RAP1GAP: variants seen among roughly 807,000 people sequenced by gnomAD.
RAP1GAP encodes the protein RAP1 GTPase activating protein.
In RAP1GAP, 35 loss-of-function variants were observed where a neutral mutation model predicts 87.2. That is an observed-to-expected ratio of 0.40 (90% CI 0.31 to 0.53). RAP1GAP has a LOEUF of 0.53. Ranked by LOEUF, RAP1GAP falls within the 20% of genes least tolerant of loss-of-function variation. The probability of loss-of-function intolerance (pLI) is 0.48; values close to 1 mark genes in which losing one functional copy is unlikely to be tolerated. For synonymous variants in RAP1GAP, 375 were observed against 363.9 expected, an observed-to-expected ratio of 1.03 and a Z score of -0.35; for missense variants, 734 against 898.9, an observed-to-expected ratio of 0.82 and a Z score of 2.35.
At chr1:21,612,458 C>T (rs1010040244) in intron 10 of RAP1GAP, among the ~76,000 whole-genome samples, 1 of 152,268 alleles carries the variant, frequency 6.6e-6, no homozygotes, top group Non-Finnish European at 1.5e-5. Flanking sequence ...ACTCACTCCT[C>T]GGCTCCTCTG....
At chr1:21,660,243 G>A (rs1285247864) in intron 1 of RAP1GAP, among the ~76,000 whole-genome samples, 2 of 149,296 alleles carry the variant, frequency 1.3e-5, no homozygotes, top group African/African-American at 4.9e-5. Context: ...GGCTCTAAAT[G>A]CATAACTACA....
chr1:21,608,980 A>AT, intron 15 of RAP1GAP, 44 bp from the exon 16 acceptor site: 5 of 1,523,236 alleles, frequency 3.3e-6, no homozygotes, highest in Non-Finnish European at 4.6e-6. Flanking sequence ...GGAAGTTGAG[A>AT]TGACACATAA....
rs1460388661 is a variant in RAP1GAP, at chr1:21,611,447, G to T, written c.843+5C>A. On this transcript the variant is annotated splice_donor_5th_base_variant and intron_variant, in intron 13 of 24. Transcript: ENST00000374765. Reference sequence around the variant, plus strand: ...ACAGGAGGCAGGTGGGGGTGCCCAGGCTACCTGCTGGGCGTCCCCTTCCGT... The same window carrying T: ...ACAGGAGGCAGGTGGGGGTGCCCAGTCTACCTGCTGGGCGTCCCCTTCCGT... The T allele has an allele frequency of 6.2e-7, 1 of 1,612,162 alleles. No homozygotes were observed. The highest frequency in any genetic ancestry group is 8.5e-7 in the Non-Finnish European group (1 of 1,179,166).
chr1:21,640,378 T>TC (rs1389916089), intron 2 of RAP1GAP, among the ~76,000 whole-genome samples: 1 of 152,220 alleles, frequency 6.6e-6, no homozygotes, highest in Non-Finnish European at 1.5e-5. Flanking sequence ...TAAGCCACTG[T>TC]CAGTCTCTCC....
intron 1 of RAP1GAP, among the ~76,000 whole-genome samples, chr1:21,663,800 A>G (rs1435107920): frequency 2.0e-5 from 3 of 152,230 alleles, no homozygotes; most frequent in African/African-American, 7.2e-5. Context: ...AGAAGGTCAC[A>G]GCCTCTGAGG....
At chr1:21,627,107 T>C (rs1030278508) in intron 2 of RAP1GAP, among the ~76,000 whole-genome samples, 1 of 152,188 alleles carries the variant, frequency 6.6e-6, no homozygotes, top group East Asian at 1.9e-4. Flanking sequence ...CCTATCACCC[T>C]AAAAAGCCTG....
chr1:21,646,094 ACAGTCAT>A (rs2096030871), intron 2 of RAP1GAP, among the ~76,000 whole-genome samples: 1 of 152,078 alleles, frequency 6.6e-6, no homozygotes. Context: ...TAAGGGACAA[ACAGTCAT>A]CTGTAAGGCT....
intron 1 of RAP1GAP, among the ~76,000 whole-genome samples, chr1:21,661,991 G>A (rs967185978): frequency 1.3e-5 from 2 of 152,368 alleles, no homozygotes; most frequent in South Asian, 2.1e-4. Flanking sequence ...ACTGAAGGGC[G>A]TGGTGTTCCC....
At chr1:21,632,836 G>T (rs1331588429) in intron 2 of RAP1GAP, among the ~76,000 whole-genome samples, 1 of 152,188 alleles carries the variant, frequency 6.6e-6, no homozygotes, top group East Asian at 1.9e-4. Flanking sequence ...GAAGTTCCAG[G>T]CTACAGTGAG....
Position 21,613,987 on chromosome 1 carries a change from T to C in RAP1GAP, c.394A>G (p.Arg132Gly). 1 of 1,603,996 alleles carries C rather than the reference T, an allele frequency of 6.2e-7. No homozygotes were observed. ...TCAGGACTCCCCCACCACCCTCACCTGAGCAGCAGCCGCAGGTGCTCTTGG... is the reference window on the plus strand; with the variant it reads ...TCAGGACTCCCCCACCACCCTCACCCGAGCAGCAGCCGCAGGTGCTCTTGG... ...GDQEHLRLLLRTKCRTYHDVI... is the reference protein window; with the variant it reads ...GDQEHLRLLLGTKCRTYHDVI... Residue 132 changes from arginine (R) to glycine (G), a missense_variant and splice_region_variant, in exon 8 of 25, where the codon AGG (arginine) becomes GGG (glycine). This residue lies in a region of RAP1GAP where 485 missense variants were observed against 646.2 expected (regional missense o/e 0.75). Transcript: ENST00000374765. This position sits in a 1 kb window ranked among gnomAD's most constrained non-coding sequence, Gnocchi z 4.7.
intron 2 of RAP1GAP, among the ~76,000 whole-genome samples, chr1:21,638,498 G>A (rs896697080): frequency 4.0e-5 from 6 of 150,906 alleles, no homozygotes; most frequent in African/African-American, 7.3e-5. Flanking sequence ...GGCTTGCTGC[G>A]TATGGGACCC....
At chr1:21,608,072 T>G in intron 17 of RAP1GAP, 141 bp downstream of exon 17, 3 of 1,270,926 alleles carry the variant, frequency 2.4e-6, no homozygotes, top group Non-Finnish European at 3.2e-6. Context: ...AATCCCCCAG[T>G]CCGGGACTCC....
In RAP1GAP at chr1:21,609,133, T is replaced by A. The variant is rs1004449658; in HGVS notation, c.1072-197A>T. On this transcript the variant is annotated intron_variant, in intron 15 of 24. Transcript: ENST00000374765. This position sits in a 1 kb window ranked among gnomAD's most constrained non-coding sequence, Gnocchi z 4.4. ...TACCTTCAAGGGGCCCCAGTGCCCT[T>A]CATGGCTGCCCACGCCTTCGGGAGA... Among the ~76,000 whole-genome samples, 1 of 152,160 alleles carries A rather than the reference T, an allele frequency of 6.6e-6. No individual in the cohort carries two copies. The highest frequency in any genetic ancestry group is 2.1e-4 in the South Asian group (1 of 4,834).
chr1:21,654,994 G>T (rs937068828), intron 1 of RAP1GAP, among the ~76,000 whole-genome samples: 3 of 152,002 alleles, frequency 2.0e-5, no homozygotes, highest in Admixed American at 6.5e-5. Context: ...ACAAAAATCA[G>T]CCGGGCATGG....
At chr1:21,636,676 G>A (rs1418001547) in intron 2 of RAP1GAP, among the ~76,000 whole-genome samples, 2 of 151,580 alleles carry the variant, frequency 1.3e-5, no homozygotes, top group African/African-American at 2.4e-5. Flanking sequence ...GTGTGGTAGC[G>A]CACGCCTGTA....
chr1:21,649,826 AG>A lies in RAP1GAP; in HGVS notation c.-148-31del, dbSNP rs564330003. 65 of 1,549,882 alleles carry A rather than the reference AG, an allele frequency of 4.2e-5. No homozygotes were observed. In the East Asian group the frequency reaches 1.2e-3, roughly 29 times the overall value. ...AACACAACAAGAGGGGCCATAGGTGAGGGGACATCCCTTCTCACCAGCTTGG... is the reference window on the plus strand; with the variant it reads ...AACACAACAAGAGGGGCCATAGGTGAGGGACATCCCTTCTCACCAGCTTGG... On this transcript the variant is annotated intron_variant, in intron 1 of 24. Coordinates refer to ENST00000374765, the MANE Select transcript of RAP1GAP (RefSeq NM_002885.4).
At position 21,634,915 on chromosome 1, in the gene RAP1GAP, G is replaced by A. The variant is rs866271212; in HGVS notation, c.-112-8518C>T. On this transcript the variant is annotated intron_variant, in intron 2 of 24. Transcript: ENST00000374765. The surrounding 1 kb of genome is among the most constrained non-coding windows in gnomAD (Gnocchi z 4.1). ...AGGAGGAGTGACTCTGAGATGACCCGGCCGCAGGGCCTCTTCCTGCCGGGC... is the reference window on the plus strand; with the variant it reads ...AGGAGGAGTGACTCTGAGATGACCCAGCCGCAGGGCCTCTTCCTGCCGGGC... 9 of 178,056 alleles carry A rather than the reference G, an allele frequency of 5.1e-5. No homozygotes were observed. Among genetic ancestry groups the A allele is most frequent in the South Asian group, 1.6e-4 (2 of 12,488 alleles). The allele number at this position is 178,056 out of a possible 1,614,324, so 11.0% of individuals were successfully genotyped here.
At chr1:21,648,603 C>CA (rs1212591306) in intron 2 of RAP1GAP, among the ~76,000 whole-genome samples, 17 of 152,188 alleles carry the variant, frequency 1.1e-4, no homozygotes. Flanking sequence ...AGCAGGTGCC[C>CA]AACAAGTGGC....
At chr1:21,639,796 G>C (rs921581880) in intron 2 of RAP1GAP, among the ~76,000 whole-genome samples, 10 of 152,330 alleles carry the variant, frequency 6.6e-5, no homozygotes, top group African/African-American at 2.4e-4. Flanking sequence ...CACTTTTCCT[G>C]GGAGTCGGCA....
Sources: allele counts gnomAD v4.1 joint callset (sites outside exome capture counted in the v4.1 genomes callset), GRCh38; gene constraint gnomAD v4.1.1; regional missense constraint gnomAD v4.1.1; non-coding constraint Gnocchi (gnomAD v3.1); transcripts MANE v1.5; gene names NCBI Gene and HGNC (gene_info 2026-07-23, HGNC 2026-07-21).